Variants in TIAM1 observed in about 807,000 individuals in gnomAD.
TIAM1 encodes the protein TIAM Rac1 associated GEF 1.
Under a neutral mutation model 163.5 loss-of-function variants are expected in TIAM1, and 65 were observed. The ratio of observed to expected loss-of-function variants is 0.40; its 90% CI spans 0.33 to 0.49. The LOEUF is 0.49. Among genes scored for constraint, TIAM1 ranks in the 20% least tolerant of loss-of-function variants. The pLI, the probability that TIAM1 is intolerant of heterozygous loss-of-function variation, is 0.77. For synonymous variants in TIAM1, 833 were observed against 810.1 expected, an observed-to-expected ratio of 1.03 and a Z score of -0.48; for missense variants, 1,789 against 2,044.7, an observed-to-expected ratio of 0.87 and a Z score of 2.41.
At chr21:31,430,392 C>A (rs886601579) in intron 2 of TIAM1, among the ~76,000 whole-genome samples, 10 of 151,540 alleles carry the variant, frequency 6.6e-5, no homozygotes, top group African/African-American at 2.4e-4. Context: ...AACCCCAGTG[C>A]AGCACCCATG....
At chr21:31,539,406 C>T (rs559307522) in intron 1 of TIAM1, among the ~76,000 whole-genome samples, 21 of 151,094 alleles carry the variant, frequency 1.4e-4, no homozygotes, top group South Asian at 1.2e-3. Flanking sequence ...GCTGGGACTA[C>T]AGGCGCCCAC....
At chr21:31,341,489 C>T (rs2076013320) in intron 1 of TIAM1, among the ~76,000 whole-genome samples, 2 of 152,150 alleles carry the variant, frequency 1.3e-5, no homozygotes, top group African/African-American at 4.8e-5. Context: ...GTTCTGCTGT[C>T]GTACAAGGTA....
chr21:31,527,314 G>A (rs1178819619), intron 1 of TIAM1, among the ~76,000 whole-genome samples: 4 of 152,036 alleles, frequency 2.6e-5, no homozygotes, highest in African/African-American at 9.7e-5. Flanking sequence ...GAATGAGTAG[G>A]GTAAACTCAG....
At chr21:31,222,676 C>CATATATATATAT (rs146567405) in intron 8 of TIAM1, among the ~76,000 whole-genome samples, 8 of 48,244 alleles carry the variant, frequency 1.7e-4, no homozygotes, top group East Asian at 2.4e-3. Context: ...TGTACACATA[C>CATATATATATAT]ATATATATAT....
intron 1 of TIAM1, among the ~76,000 whole-genome samples, chr21:31,490,332 C>A (rs117333117): frequency 0.03 from 4,608 of 152,212 alleles, 110 homozygotes; most frequent in Non-Finnish European, 0.047. Context: ...GTTTAAGATA[C>A]CACACCCAAA....
intron 2 of TIAM1, among the ~76,000 whole-genome samples, chr21:31,321,723 A>G (rs1423286275): frequency 6.6e-6 from 1 of 152,172 alleles, no homozygotes; most frequent in Non-Finnish European, 1.5e-5. Flanking sequence ...TAACATAAGA[A>G]GCCAAACTGA....
intron 2 of TIAM1, among the ~76,000 whole-genome samples, chr21:31,412,287 G>A (rs2077372072): frequency 6.6e-6 from 1 of 152,172 alleles, no homozygotes; most frequent in Non-Finnish European, 1.5e-5. Context: ...ATGGCGGGGT[G>A]CAAAGAGGGT....
chr21:31,180,453 A>C (rs2084961487), intron 15 of TIAM1, among the ~76,000 whole-genome samples: 1 of 152,144 alleles, frequency 6.6e-6, no homozygotes, highest in African/African-American at 2.4e-5. Context: ...ACTGTGTTCC[A>C]ATAAAACTTT....
At chr21:31,452,720 C>G in intron 2 of TIAM1, 1 of 455,768 alleles carries the variant, frequency 2.2e-6, no homozygotes, top group Non-Finnish European at 4.2e-6. Context: ...GTAATAAAAG[C>G]TCTAATAAAT....
At chr21:31,272,691 A>C (rs1236118546) in intron 3 of TIAM1, among the ~76,000 whole-genome samples, 1 of 152,226 alleles carries the variant, frequency 6.6e-6, no homozygotes, top group Non-Finnish European at 1.5e-5. Flanking sequence ...CTAACTGAAT[A>C]TTCTAATGAA....
At chr21:31,454,592 T>A (rs1013822292) in intron 2 of TIAM1, among the ~76,000 whole-genome samples, 1 of 152,068 alleles carries the variant, frequency 6.6e-6, no homozygotes, top group Non-Finnish European at 1.5e-5. Context: ...CCAGCACGCG[T>A]GTCCAAGCCA....
chr21:31,475,374 G>C (rs1378718313), intron 1 of TIAM1, among the ~76,000 whole-genome samples: 1 of 152,132 alleles, frequency 6.6e-6, no homozygotes, highest in Non-Finnish European at 1.5e-5. Flanking sequence ...GGCACTGTGA[G>C]CTATTCTAGT....
intron 1 of TIAM1, among the ~76,000 whole-genome samples, chr21:31,498,737 A>G (rs2011103): frequency 0.61 from 92,843 of 151,972 alleles, 28,823 homozygotes; most frequent in East Asian, 0.85. Flanking sequence ...CCTGAGGTCA[A>G]GAGTTCGAGA....
intron 15 of TIAM1, among the ~76,000 whole-genome samples, chr21:31,180,429 A>C (rs893625145): frequency 6.6e-6 from 1 of 152,172 alleles, no homozygotes; most frequent in Non-Finnish European, 1.5e-5. Context: ...GACAAGGTGT[A>C]AATGAATGGC....
chr21:31,164,253 G>A (rs1248626214), intron 16 of TIAM1, among the ~76,000 whole-genome samples: 1 of 152,136 alleles, frequency 6.6e-6, no homozygotes, highest in Non-Finnish European at 1.5e-5. Flanking sequence ...AGCAGGGCGT[G>A]GTGGCGGGTG....
At chr21:31,482,442 C>T (rs552162818) in intron 1 of TIAM1, among the ~76,000 whole-genome samples, 1 of 152,248 alleles carries the variant, frequency 6.6e-6, no homozygotes, top group Admixed American at 6.5e-5. Context: ...ACGCACCTGG[C>T]CCATCACACC....
In TIAM1 at chr21:31,135,999, C is replaced by A. The variant is rs1010879297; in HGVS notation, c.3817G>T (p.Val1273Leu). Residue 1273 changes from valine to leucine, a missense_variant, in exon 23 of 28, where the codon GTG (valine) becomes TTG (leucine). Physicochemically the swap from Val to Leu is conservative, Grantham distance 32. Transcript: ENST00000541036. ...GAGGCCGGCGGGTTCAGCCAGATCA[C>A]GGTAGTGTGCAAAAGCAGGTCTCCC... The part of the protein sequence containing the change: ...SMGDLLLHTT[V>L]IWLNPPASLG... The A allele has an allele frequency of 6.2e-7, 1 of 1,614,150 alleles. No individual in the cohort carries two copies. The highest frequency in any genetic ancestry group is 1.1e-5 in the South Asian group (1 of 91,082).
At chr21:31,233,280 T>C (rs1333587561) in intron 6 of TIAM1, among the ~76,000 whole-genome samples, 1 of 152,216 alleles carries the variant, frequency 6.6e-6, no homozygotes, top group African/African-American at 2.4e-5. Flanking sequence ...AAAAGAAAGT[T>C]ACCATTTTTT....
chr21:31,168,550 G>T (rs1236390841), intron 15 of TIAM1, among the ~76,000 whole-genome samples: 3 of 152,110 alleles, frequency 2.0e-5, no homozygotes, highest in African/African-American at 7.2e-5. Flanking sequence ...ACAGGCGCCT[G>T]CCACCACGCC....
Sources: allele counts gnomAD v4.1 joint callset (sites outside exome capture counted in the v4.1 genomes callset), GRCh38; gene constraint gnomAD v4.1.1; transcripts MANE v1.5; gene names NCBI Gene and HGNC (gene_info 2026-07-23, HGNC 2026-07-21).